Variants in PCDHAC1 observed in about 807,000 individuals in gnomAD.
PCDHAC1 encodes the protein protocadherin alpha-C1.
PCDHAC1 carries 42 observed loss-of-function variants against 60.0 expected under a neutral mutation model. The observed-to-expected ratio is 0.70, with a 90% CI of 0.55 to 0.90. The LOEUF is 0.90. PCDHAC1 is among the 40% of genes least tolerant of loss of function. The probability of loss-of-function intolerance (pLI) is 0.00; values close to 1 mark genes in which losing one functional copy is unlikely to be tolerated. For synonymous variants in PCDHAC1, 468 were observed against 499.3 expected (o/e 0.94, Z 0.84); for missense variants, 1,160 against 1,222.3 (o/e 0.95, Z 0.76).
chr5:140,974,944 T>C (rs1216786290), intron 1 of PCDHAC1, among the ~76,000 whole-genome samples: 1 of 152,210 alleles, frequency 6.6e-6, no homozygotes, highest in African/African-American at 2.4e-5. Context: ...ACCTATTTGT[T>C]ATCTCACAGT....
intron 3 of PCDHAC1, among the ~76,000 whole-genome samples, chr5:140,999,095 G>C (rs1554256620): frequency 6.6e-6 from 1 of 152,202 alleles, no homozygotes; most frequent in African/African-American, 2.4e-5. Flanking sequence ...GAGGGCTATG[G>C]AGAGTAACCT....
At chr5:141,007,192 TGGTGGGGGCCAGAATATGC>T (rs1371127830) in intron 3 of PCDHAC1, among the ~76,000 whole-genome samples, 1 of 151,894 alleles carries the variant, frequency 6.6e-6, no homozygotes, top group African/African-American at 2.4e-5. Flanking sequence ...AATGTTTTGA[TGGTGGGGGCCAGAATATGC>T]TGTCCCAAAA....
chr5:140,929,003 G>A lies in PCDHAC1; in HGVS notation c.2111G>A (p.Cys704Tyr). The change falls in exon 1 of 4, where the codon TGT becomes TAT. Residue 704 changes from cysteine (C) to tyrosine (Y), a missense_variant. Coordinates refer to ENST00000253807, the MANE Select transcript of PCDHAC1 (RefSeq NM_018898.5). ...LFLGCLLFFV[C>Y]TKLHQSPGCC... ...CTGGGGTGCTTACTTTTCTTCGTGT[G>A]TACCAAGTTGCACCAGAGCCCAGGC... is the stretch of plus-strand genomic sequence containing the variant. The A allele has an allele frequency of 6.2e-7, 1 of 1,614,106 alleles. No homozygotes were observed. The highest frequency in any genetic ancestry group is 1.1e-5 in the South Asian group (1 of 91,076).
In PCDHAC1 at chr5:141,007,573, TA is replaced by T. The variant is rs1265481031; in HGVS notation, c.2582-2048del. Among the ~76,000 whole-genome samples, 3 of 151,796 alleles carry T rather than the reference TA, an allele frequency of 2.0e-5. No homozygotes were observed. The East Asian group carries it at 5.8e-4, about 29-fold the overall frequency. On this transcript the variant is annotated intron_variant, in intron 3 of 3. Coordinates refer to ENST00000253807, the MANE Select transcript of PCDHAC1 (RefSeq NM_018898.5). ...ACAGAGCAAGGCTCTATCTCAAATTTAAAAAATAATAATCATGATAATAATA... is the reference window on the plus strand; with the variant it reads ...ACAGAGCAAGGCTCTATCTCAAATTTAAAAATAATAATCATGATAATAATA...
chr5:140,961,464 C>G (rs1364555316), intron 1 of PCDHAC1, among the ~76,000 whole-genome samples: 1 of 152,126 alleles, frequency 6.6e-6, no homozygotes, highest in Non-Finnish European at 1.5e-5. Flanking sequence ...AGCTGCCTTT[C>G]TTTTTTTGTC....
At position 141,011,492 on chromosome 5, in the gene PCDHAC1, A is replaced by T. The variant is rs2098420803; in HGVS notation, c.*1555A>T. On this transcript the variant is annotated 3_prime_UTR_variant, in exon 4 of 4. Coordinates refer to ENST00000253807, the MANE Select transcript of PCDHAC1 (RefSeq NM_018898.5). ...AATTCCATTATATTTCCTTTTGTAC[A>T]CCTGTGAAAAAGTGGAGTAGTGTTT... The T allele has an allele frequency of 1.3e-5, 2 of 153,698 alleles. No individual in the cohort carries two copies. The highest frequency in any genetic ancestry group is 2.9e-5 in the Non-Finnish European group (2 of 68,026). 9.5% of individuals were successfully genotyped at this position (153,698 alleles called of 1,614,324 possible).
chr5:140,928,602 GC>G lies in PCDHAC1; in HGVS notation c.1714del (p.Arg572AlafsTer13). ...RNGSVPVEIV[P>X]RSARTGHLVT... ...ATGGTTCTGTCCCAGTGGAAATTGT[GC>G]CCCGCTCTGCCAGGACTGGACACTT... On this transcript the variant is annotated frameshift_variant, in exon 1 of 4. Transcript: ENST00000253807. LOFTEE classifies it high-confidence loss of function. 1.2e-6 allele frequency: 2 copies of G among 1,614,176 alleles called. No homozygotes were observed. Among genetic ancestry groups the G allele is most frequent in the Non-Finnish European group, 1.7e-6 (2 of 1,180,020 alleles).
chr5:140,945,079 T>C (rs1554216701), intron 1 of PCDHAC1, among the ~76,000 whole-genome samples: 1 of 152,126 alleles, frequency 6.6e-6, no homozygotes, highest in South Asian at 2.1e-4. Context: ...ACCAAAACAC[T>C]CTTGGAACTA....
chr5:140,942,589 T>G (rs1444015331), intron 1 of PCDHAC1, among the ~76,000 whole-genome samples: 1 of 148,934 alleles, frequency 6.7e-6, no homozygotes, highest in Non-Finnish European at 1.5e-5. Flanking sequence ...GGATGTCACA[T>G]ATAATTATAG....
At chr5:140,993,543 G>C (rs1263683239) in intron 3 of PCDHAC1, among the ~76,000 whole-genome samples, 1 of 151,590 alleles carries the variant, frequency 6.6e-6, no homozygotes, top group Non-Finnish European at 1.5e-5. Context: ...GAGAGATAGA[G>C]AAGTGAAGTA....
chr5:140,970,657 T>C (rs1487534093), intron 1 of PCDHAC1, among the ~76,000 whole-genome samples: 1 of 152,232 alleles, frequency 6.6e-6, no homozygotes, highest in Non-Finnish European at 1.5e-5. Context: ...TGAATTGTTA[T>C]CTTTCCAAAT....
intron 1 of PCDHAC1, among the ~76,000 whole-genome samples, chr5:140,962,378 G>A (rs184607177): frequency 2.1e-3 from 316 of 152,286 alleles, no homozygotes; most frequent in African/African-American, 7.3e-3. Context: ...GATTTTATCT[G>A]TTAATATTAC....
chr5:140,985,590 T>C (rs1049609959), intron 3 of PCDHAC1, among the ~76,000 whole-genome samples: 5 of 152,166 alleles, frequency 3.3e-5, no homozygotes, highest in African/African-American at 1.2e-4. Flanking sequence ...TCCTTATACT[T>C]GCTTCAGAGC....
At chr5:140,967,014 G>T in intron 1 of PCDHAC1, 1 of 1,606,958 alleles carries the variant, frequency 6.2e-7, no homozygotes, top group Non-Finnish European at 8.5e-7. Flanking sequence ...AACCATCTGG[G>T]TGCGCCCAGT....
Position 141,010,239 on chromosome 5 carries a change from G to A in PCDHAC1, c.*302G>A. ...AGGCTTCCCAGCCCCGCCAGTGAGA[G>A]GTTGGACTCTCTGCCCTGTGCTCCG... On this transcript the variant is annotated 3_prime_UTR_variant, in exon 4 of 4. Transcript: ENST00000253807. 1 of 1,551,938 alleles carries A rather than the reference G, an allele frequency of 6.4e-7. No homozygotes were observed. Among genetic ancestry groups the A allele is most frequent in the Non-Finnish European group, 8.7e-7 (1 of 1,147,044 alleles).
Position 140,982,517 on chromosome 5 carries a change from A to T in PCDHAC1, c.2535A>T (p.Pro845=), listed in dbSNP as rs990701966. The T allele has an allele frequency of 2.5e-5, 41 of 1,614,116 alleles. No individual in the cohort carries two copies. The highest frequency in any genetic ancestry group is 3.4e-5 in the Non-Finnish European group (40 of 1,180,048). Residue 845 remains proline, a synonymous_variant, in exon 3 of 4, where the codon CCA becomes CCT. Coordinates refer to ENST00000253807, the MANE Select transcript of PCDHAC1 (RefSeq NM_018898.5). The part of the protein sequence containing the change: ...LEEAGILRAG[P]GGPDQQWPTV... ...AGGCTGGCATTCTACGGGCTGGTCC[A>T]GGAGGGCCTGATCAGCAGTGGCCAA...
intron 1 of PCDHAC1, among the ~76,000 whole-genome samples, chr5:140,970,659 T>C (rs1243959173): frequency 4.6e-5 from 7 of 152,238 alleles, no homozygotes; most frequent in Non-Finnish European, 2.9e-5. Context: ...AATTGTTATC[T>C]TTCCAAATAA....
At chr5:140,935,264 A>G (rs756476804) in intron 1 of PCDHAC1, among the ~76,000 whole-genome samples, 3 of 152,196 alleles carry the variant, frequency 2.0e-5, no homozygotes, top group African/African-American at 7.2e-5. Context: ...TCACATGTTT[A>G]TACTAATCTA....
intron 1 of PCDHAC1, among the ~76,000 whole-genome samples, chr5:140,971,045 T>G (rs2096453995): frequency 6.6e-6 from 1 of 152,090 alleles, no homozygotes; most frequent in Non-Finnish European, 1.5e-5. Context: ...CGTAAAAGGG[T>G]TTAGCTTTAA....
Sources: gnomAD v4.1 joint callset for allele counts (sites outside exome capture counted in the v4.1 genomes callset) on GRCh38, gnomAD v4.1.1 for gene constraint, MANE v1.5 for transcripts, NCBI Gene and HGNC (gene_info 2026-07-23, HGNC 2026-07-21) for gene names.